The following MGAT5 variants were observed in gnomAD, a reference collection of about 807,000 sequenced individuals.
MGAT5 encodes alpha-1,6-mannosylglycoprotein 6-beta-N-acetylglucosaminyltransferase, also known as alpha-1,6-mannosylglycoprotein 6-beta-N-acetylglucosaminyltransferase A.
A neutral mutation model predicts 94.3 loss-of-function variants in MGAT5; 30 were observed. That is an observed-to-expected ratio of 0.32 (90% confidence interval 0.24 to 0.43). MGAT5 has a LOEUF of 0.43. Among genes scored for constraint, MGAT5 ranks in the 20% least tolerant of loss-of-function variants. The probability of loss-of-function intolerance (pLI) is 1.00; values close to 1 mark genes in which losing one functional copy is unlikely to be tolerated. For missense variants in MGAT5, 691 were observed against 905.5 expected (o/e 0.76, Z 3.04); for synonymous variants, 310 against 322.9 (o/e 0.96, Z 0.43).
chr2:134,315,365 A>ACC (rs35002259), intron 2 of MGAT5, among the ~76,000 whole-genome samples: 1 of 151,898 alleles, frequency 6.6e-6, no homozygotes, highest in East Asian at 1.9e-4. Flanking sequence ...CTTGGCCAAA[A>ACC]CCCCCCATCA....
Position 134,381,382 on chromosome 2 carries a change from T to TTAGATAGATAGATAGA in MGAT5, c.1380+19010_1380+19025dup, listed in dbSNP as rs61246431. On this transcript the variant is annotated intron_variant, in intron 10 of 15. Transcript: ENST00000281923. ...AGATAGATAGATAAGATAAGATAGA[T>TTAGATAGATAGATAGA]TAGATAGATAGATAGATAGATAGAT... 5.0e-3 allele frequency among the ~76,000 whole-genome samples: 544 copies of TTAGATAGATAGATAGA among 108,558 alleles called. 3 individuals carry two copies. Among genetic ancestry groups the TTAGATAGATAGATAGA allele is most frequent in the South Asian group, 0.022 (70 of 3,122 alleles). The allele number at this position is 108,558 out of a possible 152,430, so 71.2% of individuals were successfully genotyped here. A position where few individuals can be genotyped will look rare whatever the true frequency, so the allele number is the denominator to read the frequency against.
chr2:134,232,259 C>T (rs1681408985), intron 1 of MGAT5, among the ~76,000 whole-genome samples: 1 of 152,148 alleles, frequency 6.6e-6, no homozygotes, highest in South Asian at 2.1e-4. Flanking sequence ...ATGAGCCACC[C>T]TTCAAACCCA....
chr2:134,264,373 C>G (rs138457433), intron 1 of MGAT5, among the ~76,000 whole-genome samples: 112 of 152,252 alleles, frequency 7.4e-4, no homozygotes, highest in African/African-American at 2.6e-3. Flanking sequence ...TATCCATCCA[C>G]TTAACAAATA....
chr2:134,380,022 G>T (rs1314712076), intron 10 of MGAT5, among the ~76,000 whole-genome samples: 1 of 152,228 alleles, frequency 6.6e-6, no homozygotes, highest in Non-Finnish European at 1.5e-5. Context: ...TCATAGGGCT[G>T]TAGAGGTGAG....
At chr2:134,238,481 TTCCCCA>T (rs1490853062) in intron 1 of MGAT5, among the ~76,000 whole-genome samples, 8 of 152,222 alleles carry the variant, frequency 5.3e-5, no homozygotes, top group Non-Finnish European at 1.0e-4. Context: ...TATCTGTGCT[TTCCCCA>T]TCTCATCATG....
chr2:134,280,340 C>G (rs1002755315), intron 2 of MGAT5, among the ~76,000 whole-genome samples: 6 of 152,192 alleles, frequency 3.9e-5, no homozygotes, highest in African/African-American at 1.2e-4. Context: ...CTTGAACATT[C>G]AGCAAGTCTC....
chr2:134,280,033 A>T (rs1472104356), intron 2 of MGAT5, among the ~76,000 whole-genome samples: 1 of 151,430 alleles, frequency 6.6e-6, no homozygotes, highest in East Asian at 2.0e-4. Context: ...AGGTTTGAAG[A>T]TTTCTGGGGT....
chr2:134,177,144 C>CGTGTGTGT (rs141358502), intron 1 of MGAT5, among the ~76,000 whole-genome samples: 17 of 142,626 alleles, frequency 1.2e-4, no homozygotes, highest in South Asian at 1.1e-3. Context: ...CAAATGAACC[C>CGTGTGTGT]GTGTGTGTGT....
At chr2:134,329,750 A>G (rs564082778) in intron 4 of MGAT5, among the ~76,000 whole-genome samples, 1 of 152,204 alleles carries the variant, frequency 6.6e-6, no homozygotes, top group South Asian at 2.1e-4. Flanking sequence ...GGCTCCTAGT[A>G]CATCGCAACT....
At chr2:134,305,115 G>A (rs1176983925) in intron 2 of MGAT5, among the ~76,000 whole-genome samples, 3 of 152,002 alleles carry the variant, frequency 2.0e-5, no homozygotes, top group Admixed American at 6.6e-5. Context: ...ACTTTCTCTA[G>A]GACCAAAACC....
At chr2:134,298,921 AGAATG>A (rs1450297609) in intron 2 of MGAT5, among the ~76,000 whole-genome samples, 1 of 152,186 alleles carries the variant, frequency 6.6e-6, no homozygotes, top group Admixed American at 6.6e-5. Flanking sequence ...AGTCAAAAGA[AGAATG>A]GAAGAAGAAG....
intron 10 of MGAT5, among the ~76,000 whole-genome samples, chr2:134,372,573 C>G (rs1680878680): frequency 6.6e-6 from 1 of 152,216 alleles, no homozygotes; most frequent in Non-Finnish European, 1.5e-5. Flanking sequence ...TCATACTCTT[C>G]TCAGTGTCCC....
At chr2:134,286,101 C>CA (rs1214087629) in intron 2 of MGAT5, among the ~76,000 whole-genome samples, 3 of 149,780 alleles carry the variant, frequency 2.0e-5, no homozygotes, top group South Asian at 2.2e-4. Flanking sequence ...GTGAACAAAA[C>CA]AAAAAAAAAT....
intron 10 of MGAT5, among the ~76,000 whole-genome samples, chr2:134,389,877 A>G (rs966082063): frequency 5.3e-5 from 8 of 152,156 alleles, no homozygotes; most frequent in Admixed American, 2.6e-4. Flanking sequence ...CTCACATTCA[A>G]CTGGAGTTCA....
intron 1 of MGAT5, among the ~76,000 whole-genome samples, chr2:134,218,188 A>G (rs767748532): frequency 2.6e-5 from 4 of 152,222 alleles, no homozygotes; most frequent in Non-Finnish European, 2.9e-5. Flanking sequence ...ATGCCCCCAC[A>G]GCAGATCTTG....
chr2:134,240,777 G>T (rs1001970818), intron 1 of MGAT5, among the ~76,000 whole-genome samples: 8 of 152,144 alleles, frequency 5.3e-5, no homozygotes, highest in African/African-American at 1.9e-4. Context: ...AAAATATTAT[G>T]ACTGTTATAG....
chr2:134,299,952 A>G (rs917197547), intron 2 of MGAT5, among the ~76,000 whole-genome samples: 3 of 152,118 alleles, frequency 2.0e-5, no homozygotes, highest in African/African-American at 4.8e-5. Context: ...GTAAGCTCAT[A>G]TCATGAAATT....
intron 1 of MGAT5, among the ~76,000 whole-genome samples, chr2:134,259,888 G>C (rs1010299656): frequency 6.6e-6 from 1 of 152,188 alleles, no homozygotes; most frequent in African/African-American, 2.4e-5. Context: ...AAGTCAGATA[G>C]CAGTACATTC....
chr2:134,162,801 A>G (rs1687795746), intron 1 of MGAT5, among the ~76,000 whole-genome samples: 1 of 152,190 alleles, frequency 6.6e-6, no homozygotes. Context: ...CTTTAACACC[A>G]ATGACCATGT....
Sources: allele counts gnomAD v4.1 joint callset (sites outside exome capture counted in the v4.1 genomes callset), GRCh38; gene constraint gnomAD v4.1.1; transcripts MANE v1.5; gene names NCBI Gene and HGNC (gene_info 2026-07-23, HGNC 2026-07-21).